DESI2: variants seen among roughly 807,000 people sequenced by gnomAD.
DESI2 encodes the protein desumoylating isopeptidase 2, also known as deubiquitinase DESI2.
A neutral mutation model predicts 24.1 loss-of-function variants in DESI2; 10 were observed. The ratio of observed to expected loss-of-function variants is 0.41; its 90% CI spans 0.26 to 0.70. DESI2 has a LOEUF of 0.70. Among genes scored for constraint, DESI2 ranks in the 30% least tolerant of loss-of-function variants. The pLI is 0.29. For synonymous variants in DESI2, 71 were observed against 87.7 expected (o/e 0.81, Z 1.06); for missense variants, 122 against 234.9 (o/e 0.52, Z 3.14).
In DESI2 at chr1:244,708,344, C is replaced by G. The variant is rs1034761254; in HGVS notation, c.*2555C>G. On this transcript the variant is annotated 3_prime_UTR_variant, in exon 5 of 5. Transcript: ENST00000302550. ...TAAACCCTTACAAGGGGAGCATCAG[C>G]TTTGGAAAGTGTGACTCTGTAGGAG... 2 of 152,564 alleles carry G rather than the reference C, an allele frequency of 1.3e-5. No individual in the cohort carries two copies. The highest frequency in any genetic ancestry group is 4.8e-5 in the African/African-American group (2 of 41,420). The allele number at this position is 152,564 out of a possible 1,614,324, so 9.5% of individuals were successfully genotyped here. A position where few individuals can be genotyped will look rare whatever the true frequency, so the allele number is the denominator to read the frequency against.
At position 244,691,912 on chromosome 1, in the gene DESI2, A is replaced by G. The variant is rs1677043227; in HGVS notation, c.243A>G (p.Leu81=). The change falls in exon 4 of 5, where the codon CTA becomes CTG. Residue 81 remains leucine (L), a synonymous_variant. Coordinates refer to ENST00000302550, the MANE Select transcript of DESI2 (RefSeq NM_016076.5). ...TTGTTTTAGGGAGCACGGACTTCCT[A>G]GAAGATGATATAGAAAAAATTGTAG... ...EAVVLGSTDF[L]EDDIEKIVEE... The G allele has an allele frequency of 6.3e-7, 1 of 1,596,946 alleles. No individual in the cohort carries two copies. The highest frequency in any genetic ancestry group is 1.4e-5 in the African/African-American group (1 of 73,946).
rs1196921966 is a variant in DESI2, at chr1:244,706,611, A to G, written c.*822A>G. ...TTCATTTTTATTTTAATACACATGT[A>G]TTTCCTCCTTGCACAGGATTTTGAT... On this transcript the variant is annotated 3_prime_UTR_variant, in exon 5 of 5. Coordinates refer to ENST00000302550, the MANE Select transcript of DESI2 (RefSeq NM_016076.5). The G allele has an allele frequency of 6.6e-6, 1 of 152,584 alleles. No individual in the cohort carries two copies. The highest frequency in any genetic ancestry group is 1.5e-5 in the Non-Finnish European group (1 of 68,034). 9.5% of individuals were successfully genotyped at this position (152,584 alleles called of 1,614,324 possible). A position where few individuals can be genotyped will look rare whatever the true frequency, so the allele number is the denominator to read the frequency against.
chr1:244,707,553 G>T lies in DESI2; in HGVS notation c.*1764G>T, dbSNP rs1393586920. On this transcript the variant is annotated 3_prime_UTR_variant, in exon 5 of 5. Transcript: ENST00000302550. Reference sequence around the variant, plus strand: ...CTAAAAATGAGGGCAAAACACTAAGGCTCTAGCAGTGACTTGTTCACTAAA... The same window carrying T: ...CTAAAAATGAGGGCAAAACACTAAGTCTCTAGCAGTGACTTGTTCACTAAA... 6.6e-6 allele frequency: 1 copy of T among 152,516 alleles called. No individual in the cohort carries two copies. The highest frequency in any genetic ancestry group is 2.4e-5 in the African/African-American group (1 of 41,428). The allele number at this position is 152,516 out of a possible 1,614,324, so 9.4% of individuals were successfully genotyped here. A position where few individuals can be genotyped will look rare whatever the true frequency, so the allele number is the denominator to read the frequency against.
intron 4 of DESI2, among the ~76,000 whole-genome samples, chr1:244,697,046 G>T (rs1167547588): frequency 1.3e-5 from 2 of 152,130 alleles, no homozygotes; most frequent in Non-Finnish European, 1.5e-5. Flanking sequence ...TAAAGCTTGT[G>T]CCTGCTTTCC....
At chr1:244,683,956 C>G (rs928570982) in intron 1 of DESI2, among the ~76,000 whole-genome samples, 6 of 151,792 alleles carry the variant, frequency 4.0e-5, no homozygotes, top group African/African-American at 1.5e-4. Flanking sequence ...CCTCCCGCCT[C>G]AACCTCCCAA....
At chr1:244,702,268 CTT>C (rs1178968622) in intron 4 of DESI2, among the ~76,000 whole-genome samples, 1 of 152,218 alleles carries the variant, frequency 6.6e-6, no homozygotes, top group Admixed American at 6.5e-5. Flanking sequence ...AATCCCGACA[CTT>C]TGGGAGGCTG....
intron 1 of DESI2, among the ~76,000 whole-genome samples, chr1:244,683,366 C>T (rs954034684): frequency 6.6e-6 from 1 of 151,936 alleles, no homozygotes; most frequent in Non-Finnish European, 1.5e-5. Context: ...GGCTGGAGTG[C>T]AGTGGCGTGA....
At chr1:244,678,984 C>T (rs1422013004) in intron 1 of DESI2, among the ~76,000 whole-genome samples, 7 of 152,134 alleles carry the variant, frequency 4.6e-5, no homozygotes, top group Non-Finnish European at 1.5e-5. Flanking sequence ...GAAAGCCTAA[C>T]AAAATTTTTA....
intron 1 of DESI2, 175 bp downstream of exon 1, chr1:244,653,530 G>C: frequency 1.6e-6 from 1 of 607,768 alleles, no homozygotes; most frequent in Non-Finnish European, 2.7e-6. Flanking sequence ...CCTCGCACTC[G>C]TCGACGCTCC....
chr1:244,667,730 T>C (rs927478114), intron 1 of DESI2, among the ~76,000 whole-genome samples: 1 of 152,180 alleles, frequency 6.6e-6, no homozygotes, highest in Admixed American at 6.5e-5. Context: ...CTAACTTTTC[T>C]TCAGTCCTGA....
intron 1 of DESI2, among the ~76,000 whole-genome samples, chr1:244,659,093 T>G (rs1276978046): frequency 6.6e-6 from 1 of 151,906 alleles, no homozygotes. Flanking sequence ...AATATGCTTC[T>G]TGGGCAAATA....
Position 244,653,161 on chromosome 1 carries a change from G to C in DESI2, c.-153G>C. The C allele has an allele frequency of 1.4e-6, 1 of 715,420 alleles. No individual in the cohort carries two copies. 44.3% of individuals were successfully genotyped at this position (715,420 alleles called of 1,614,324 possible). A position where few individuals can be genotyped will look rare whatever the true frequency, so the allele number is the denominator to read the frequency against. ...GTCGGCGGCGCCCGGGAGCGGCTCG[G>C]CTGCCCGATGCTTCCGCCCCGGCTG... On this transcript the variant is annotated 5_prime_UTR_variant, in exon 1 of 5. Transcript: ENST00000302550.
At chr1:244,662,661 G>A (rs753335923) in intron 1 of DESI2, among the ~76,000 whole-genome samples, 7 of 152,188 alleles carry the variant, frequency 4.6e-5, no homozygotes, top group Admixed American at 2.0e-4. Flanking sequence ...AAAGAGGAAA[G>A]TAAAGCAAAG....
At chr1:244,682,801 G>C (rs1317605454) in intron 1 of DESI2, among the ~76,000 whole-genome samples, 1 of 151,220 alleles carries the variant, frequency 6.6e-6, no homozygotes, top group Non-Finnish European at 1.5e-5. Flanking sequence ...TTTGCTGGCT[G>C]TAAGATGTAG....
chr1:244,704,460 A>G (rs1490066091), intron 4 of DESI2, among the ~76,000 whole-genome samples: 2 of 152,206 alleles, frequency 1.3e-5, no homozygotes, highest in Non-Finnish European at 2.9e-5. Flanking sequence ...GAAGGGTTCA[A>G]GAGTCCTAAG....
chr1:244,663,397 C>T lies in DESI2; in HGVS notation c.42+10042C>T, dbSNP rs540632426. Reference sequence around the variant, plus strand: ...TTCACCATGTTAGCCAGGATGGTCTCGATCTCCTGACCTCGTGATCCGCCC... The same window carrying T: ...TTCACCATGTTAGCCAGGATGGTCTTGATCTCCTGACCTCGTGATCCGCCC... On this transcript the variant is annotated intron_variant, in intron 1 of 4. Transcript: ENST00000302550. Among the ~76,000 whole-genome samples the T allele has an allele frequency of 8.6e-5, 13 of 151,966 alleles. No individual in the cohort carries two copies. The South Asian group carries it at 2.3e-3, about 27-fold the overall frequency.
At chr1:244,705,140 C>T (rs759967486) in intron 4 of DESI2, among the ~76,000 whole-genome samples, 3 of 152,132 alleles carry the variant, frequency 2.0e-5, no homozygotes, top group Non-Finnish European at 4.4e-5. Context: ...AAGAAGAATT[C>T]ACAAATAGGA....
Position 244,705,831 on chromosome 1 carries a change from G to A in DESI2, c.*42G>A, listed in dbSNP as rs947625528. The A allele has an allele frequency of 3.6e-6, 5 of 1,398,538 alleles. No homozygotes were observed. Among genetic ancestry groups the A allele is most frequent in the Non-Finnish European group, 4.0e-6 (4 of 1,007,460 alleles). The allele number at this position is 1,398,538 out of a possible 1,614,324, so 86.6% of individuals were successfully genotyped here. A position where few individuals can be genotyped will look rare whatever the true frequency, so the allele number is the denominator to read the frequency against. ...ACATTCAGAACTGTCTCTGGCAGTCGAATATCACTAGAGAAAAGTAAACAG... is the reference window on the plus strand; with the variant it reads ...ACATTCAGAACTGTCTCTGGCAGTCAAATATCACTAGAGAAAAGTAAACAG... On this transcript the variant is annotated 3_prime_UTR_variant, in exon 5 of 5. Coordinates refer to ENST00000302550, the MANE Select transcript of DESI2 (RefSeq NM_016076.5).
In DESI2 at chr1:244,653,130, G is replaced by T. The variant is rs1675512888; in HGVS notation, c.-184G>T. ...ACGGTCCGGCCCCGTCCGCACAGAC[G>T]CTCCTGTCGGCGGCGCCCGGGAGCG... On this transcript the variant is annotated 5_prime_UTR_variant, in exon 1 of 5. Transcript: ENST00000302550. 6.4e-6 allele frequency: 3 copies of T among 466,526 alleles called. No homozygotes were observed. Among genetic ancestry groups the T allele is most frequent in the Non-Finnish European group, 1.1e-5 (3 of 283,558 alleles). The allele number at this position is 466,526 out of a possible 1,614,324, so 28.9% of individuals were successfully genotyped here. A position where few individuals can be genotyped will look rare whatever the true frequency, so the allele number is the denominator to read the frequency against.
Sources: allele counts gnomAD v4.1 joint callset (sites outside exome capture counted in the v4.1 genomes callset), GRCh38; gene constraint gnomAD v4.1.1; transcripts MANE v1.5; gene names NCBI Gene and HGNC (gene_info 2026-07-23, HGNC 2026-07-21).